The following MAN1A2 variants were observed in gnomAD, a reference collection of about 807,000 sequenced individuals.
The protein encoded by MAN1A2 is mannosyl-oligosaccharide 1,2-alpha-mannosidase IB.
Under a neutral mutation model 75.7 loss-of-function variants are expected in MAN1A2, and 26 were observed. The ratio of observed to expected loss-of-function variants is 0.34; its 90% CI spans 0.25 to 0.48. The LOEUF is 0.48. Ranked by LOEUF, MAN1A2 falls within the 20% of genes least tolerant of loss-of-function variation. MAN1A2 has a pLI of 0.99. For missense variants in MAN1A2, 562 were observed against 775.5 expected (o/e 0.72, Z 3.27); for synonymous variants, 247 against 264.6 (o/e 0.93, Z 0.65).
intron 7 of MAN1A2, among the ~76,000 whole-genome samples, chr1:117,462,650 T>A (rs1649857135): frequency 6.6e-6 from 1 of 152,148 alleles, no homozygotes; most frequent in Non-Finnish European, 1.5e-5. Flanking sequence ...CTAGAAGCTG[T>A]CTGGCTCTGA....
Position 117,367,850 on chromosome 1 carries a change from A to C in MAN1A2, c.-334A>C. 1 of 238,016 alleles carries C rather than the reference A, an allele frequency of 4.2e-6. No individual in the cohort carries two copies. The highest frequency in any genetic ancestry group is 8.1e-6 in the Non-Finnish European group (1 of 123,234). The allele number at this position is 238,016 out of a possible 1,614,324, so 14.7% of individuals were successfully genotyped here. A position where few individuals can be genotyped will look rare whatever the true frequency, so the allele number is the denominator to read the frequency against. On this transcript the variant is annotated 5_prime_UTR_variant, in exon 1 of 13. The change abolishes an upstream ATG in the 5' untranslated region. Transcript: ENST00000356554. ...TTGAGCATCTCACTGAGGTGCAGGA[A>C]TGGAAGAACCCACCTTGCAGCTTTT...
intron 12 of MAN1A2, among the ~76,000 whole-genome samples, chr1:117,519,325 A>G (rs1449470844): frequency 1.3e-5 from 2 of 152,100 alleles, no homozygotes; most frequent in Non-Finnish European, 2.9e-5. Flanking sequence ...GAAGAAAGGA[A>G]ATAACCAAGA....
At chr1:117,433,902 G>A (rs985604279) in intron 5 of MAN1A2, among the ~76,000 whole-genome samples, 2 of 152,106 alleles carry the variant, frequency 1.3e-5, no homozygotes, top group African/African-American at 4.8e-5. Flanking sequence ...TACTACCTGA[G>A]TAACAAGAAA....
intron 4 of MAN1A2, among the ~76,000 whole-genome samples, chr1:117,418,909 T>G (rs1015331600): frequency 6.6e-6 from 1 of 152,112 alleles, no homozygotes; most frequent in African/African-American, 2.4e-5. Context: ...ATATTTTATA[T>G]TAGATGGTCA....
At chr1:117,443,209 G>A (rs1371589351) in intron 6 of MAN1A2, among the ~76,000 whole-genome samples, 3 of 152,082 alleles carry the variant, frequency 2.0e-5, no homozygotes, top group Non-Finnish European at 4.4e-5. Flanking sequence ...GAAACGACTC[G>A]ACTTTAGTAA....
chr1:117,431,238 C>A, intron 5 of MAN1A2, among the ~76,000 whole-genome samples: 1 of 82,040 alleles, frequency 1.2e-5, no homozygotes, highest in Admixed American at 1.7e-4. Flanking sequence ...AGGGGGGAGG[C>A]CTTTCATAAT....
intron 1 of MAN1A2, among the ~76,000 whole-genome samples, chr1:117,390,758 C>G (rs1032139418): frequency 6.6e-6 from 1 of 151,410 alleles, no homozygotes; most frequent in African/African-American, 2.4e-5. Flanking sequence ...TGCTATAATT[C>G]TCTCTTTAAC....
intron 1 of MAN1A2, among the ~76,000 whole-genome samples, chr1:117,384,459 A>G (rs1197224592): frequency 2.0e-5 from 3 of 152,162 alleles, no homozygotes; most frequent in Non-Finnish European, 4.4e-5. Context: ...GGGGTCAGAG[A>G]AGATACTTTG....
chr1:117,523,509 T>C lies in MAN1A2; in HGVS notation c.*552T>C. On this transcript the variant is annotated 3_prime_UTR_variant, in exon 13 of 13. Coordinates refer to ENST00000356554, the MANE Select transcript of MAN1A2 (RefSeq NM_006699.5). ...CTCAAAAAAGAAACAGGAGTACCTA[T>C]CCCTATCTGAATTTTCAAGTTCCCC... The C allele has an allele frequency of 5.6e-6, 1 of 179,942 alleles. No individual in the cohort carries two copies. The highest frequency in any genetic ancestry group is 9.5e-5 in the South Asian group (1 of 10,502). The allele number at this position is 179,942 out of a possible 1,614,324, so 11.1% of individuals were successfully genotyped here.
At chr1:117,378,143 G>A (rs1653217097) in intron 1 of MAN1A2, among the ~76,000 whole-genome samples, 1 of 151,956 alleles carries the variant, frequency 6.6e-6, no homozygotes, top group Admixed American at 6.6e-5. Flanking sequence ...AAAGTTATAA[G>A]TGTACATGAA....
In MAN1A2 at chr1:117,525,335, A is replaced by G. The variant is rs186459566; in HGVS notation, c.*2378A>G. On this transcript the variant is annotated 3_prime_UTR_variant, in exon 13 of 13. Coordinates refer to ENST00000356554, the MANE Select transcript of MAN1A2 (RefSeq NM_006699.5). ...ATTCTCCTGAATACCAAAGGCAATT[A>G]AAGTCAGCTACAAATGACTTGCCAG... 2.5e-4 allele frequency: 57 copies of G among 229,270 alleles called. No individual in the cohort carries two copies. Among genetic ancestry groups the G allele is most frequent in the Non-Finnish European group, 4.7e-4 (51 of 109,022 alleles). The allele number at this position is 229,270 out of a possible 1,614,324, so 14.2% of individuals were successfully genotyped here.
chr1:117,383,412 T>C (rs1002369192), intron 1 of MAN1A2, among the ~76,000 whole-genome samples: 86 of 152,318 alleles, frequency 5.6e-4, no homozygotes, highest in African/African-American at 2.0e-3. Context: ...GACATTAGTC[T>C]GTAGTTTTCT....
rs1288045661 is a variant in MAN1A2 at position 117,524,433 on chromosome 1, T to A, written c.*1476T>A. 6.6e-6 allele frequency: 1 copy of A among 151,804 alleles called. No homozygotes were observed. Among genetic ancestry groups the A allele is most frequent in the Non-Finnish European group, 1.5e-5 (1 of 67,800 alleles). 9.4% of individuals were successfully genotyped at this position (151,804 alleles called of 1,614,324 possible). A position where few individuals can be genotyped will look rare whatever the true frequency, so the allele number is the denominator to read the frequency against. ...TTCATTTAATATAGGCATCTTCCATTGACATTAATAAAACTTAGAAACAGT... is the reference window on the plus strand; with the variant it reads ...TTCATTTAATATAGGCATCTTCCATAGACATTAATAAAACTTAGAAACAGT... On this transcript the variant is annotated 3_prime_UTR_variant, in exon 13 of 13. Transcript: ENST00000356554.
Position 117,420,557 on chromosome 1 carries a change from T to C in MAN1A2, c.775-12T>C. ...TACGTATTTGTGAATGTTTTCAATA[T>C]GTTTTTCACAGAATTCAGAGGTGTC... On this transcript the variant is annotated splice_polypyrimidine_tract_variant and intron_variant, in intron 4 of 12. Coordinates refer to ENST00000356554, the MANE Select transcript of MAN1A2 (RefSeq NM_006699.5). The C allele has an allele frequency of 6.3e-7, 1 of 1,590,610 alleles. No individual in the cohort carries two copies. Among genetic ancestry groups the C allele is most frequent in the Middle Eastern group, 1.7e-4 (1 of 6,022 alleles).
intron 8 of MAN1A2, among the ~76,000 whole-genome samples, chr1:117,490,670 A>C (rs940265840): frequency 4.6e-5 from 7 of 152,078 alleles, no homozygotes; most frequent in Non-Finnish European, 8.8e-5. Flanking sequence ...AGCTAGATGT[A>C]ATTAAGCTTA....
Position 117,373,787 on chromosome 1 carries a change from C to T in MAN1A2, c.302+5302C>T, listed in dbSNP as rs547614273. 4.6e-5 allele frequency among the ~76,000 whole-genome samples: 7 copies of T among 152,232 alleles called. No individual in the cohort carries two copies. In the East Asian group the frequency reaches 1.4e-3, roughly 29 times the overall value. On this transcript the variant is annotated intron_variant, in intron 1 of 12. Transcript: ENST00000356554. ...CGGATTACAGGTGTTAGCCACTGCA[C>T]CCAACCGAATCTTATTTTTATCGAT...
intron 9 of MAN1A2, 94 bp downstream of exon 9, chr1:117,493,356 A>G (rs1380873568): frequency 1.0e-5 from 7 of 672,584 alleles, no homozygotes; most frequent in East Asian, 2.9e-5. Flanking sequence ...ATTTTATTAT[A>G]GACATTCAGT....
intron 9 of MAN1A2, among the ~76,000 whole-genome samples, chr1:117,496,081 T>C (rs921068433): frequency 2.0e-5 from 3 of 151,618 alleles, no homozygotes; most frequent in Admixed American, 1.3e-4. Flanking sequence ...TTTCCAAGGC[T>C]GATTGTTACT....
At chr1:117,422,745 C>T (rs930203708) in intron 5 of MAN1A2, among the ~76,000 whole-genome samples, 2 of 151,954 alleles carry the variant, frequency 1.3e-5, no homozygotes, top group African/African-American at 4.8e-5. Context: ...AAATCCCTTG[C>T]CCATTTAAAA....
Sources: allele counts gnomAD v4.1 joint callset (sites outside exome capture counted in the v4.1 genomes callset), GRCh38; gene constraint gnomAD v4.1.1; transcripts MANE v1.5; gene names NCBI Gene and HGNC (gene_info 2026-07-23, HGNC 2026-07-21).